The following CLEC2A variants were observed in gnomAD, a reference collection of about 807,000 sequenced individuals.
CLEC2A encodes C-type lectin domain family 2 member A, also known as keratinocyte-associated C-type lectin.
CLEC2A carries 19 observed loss-of-function variants against 18.6 expected under a neutral mutation model. The ratio of observed to expected loss-of-function variants is 1.02; its 90% CI spans 0.71 to 1.50. CLEC2A has a LOEUF of 1.50. Among genes scored for constraint, CLEC2A ranks in the 40% most tolerant of loss-of-function variants. The probability of loss-of-function intolerance (pLI) is 0.00; values close to 1 mark genes in which losing one functional copy is unlikely to be tolerated. For synonymous variants in CLEC2A, 74 were observed against 64.0 expected (o/e 1.16, Z -0.75); for missense variants, 190 against 207.9 (o/e 0.91, Z 0.53).
intron 2 of CLEC2A, 117 bp downstream of exon 2, chr12:9,926,143 G>A: frequency 1.8e-6 from 1 of 568,456 alleles, no homozygotes; most frequent in Middle Eastern, 2.7e-4. Flanking sequence ...TTGAGGACAA[G>A]TGTCTATAAA....
the CLEC2A span, among the ~76,000 whole-genome samples, chr12:9,886,164 T>C: frequency 6.6e-6 from 1 of 152,172 alleles, no homozygotes; most frequent in Non-Finnish European, 1.5e-5. Context: ...GTAAAAATAT[T>C]TTTTTCTAGC....
chr12:9,919,852 C>T (rs1863135950), intron 3 of CLEC2A, among the ~76,000 whole-genome samples: 1 of 152,162 alleles, frequency 6.6e-6, no homozygotes, highest in South Asian at 2.1e-4. Flanking sequence ...CTATTACCGG[C>T]CCAAGAACAC....
downstream of CLEC2A, chr12:9,895,789 CAG>C (rs1862749928): frequency 3.3e-6 from 5 of 1,535,414 alleles, no homozygotes; most frequent in Non-Finnish European, 4.4e-6. Context: ...GGGCATTTGC[CAG>C]AGAGATGCGA....
At chr12:9,905,255 G>C (rs1034913058) in intron 4 of CLEC2A, among the ~76,000 whole-genome samples, 1 of 152,088 alleles carries the variant, frequency 6.6e-6, no homozygotes, top group East Asian at 1.9e-4. Flanking sequence ...TCAGCTGTGC[G>C]GTGCTTTCTA....
downstream of CLEC2A, among the ~76,000 whole-genome samples, chr12:9,911,400 C>A (rs138663302): frequency 6.6e-6 from 1 of 152,164 alleles, no homozygotes; most frequent in African/African-American, 2.4e-5. Context: ...AGGAATTTAT[C>A]CTCTCTGGCA....
At chr12:9,914,360 C>T (rs1863035089) in intron 4 of CLEC2A, among the ~76,000 whole-genome samples, 3 of 152,110 alleles carry the variant, frequency 2.0e-5, no homozygotes, top group Admixed American at 6.5e-5. Flanking sequence ...TAGAAGAAAA[C>T]TACTTTAAAT....
the CLEC2A span, among the ~76,000 whole-genome samples, chr12:9,889,221 G>A: frequency 1.5e-4 from 23 of 152,188 alleles, no homozygotes; most frequent in Middle Eastern, 6.8e-3. Flanking sequence ...TTTCAAATGA[G>A]GATATTATAA....
the CLEC2A span, among the ~76,000 whole-genome samples, chr12:9,887,259 A>G: frequency 1.3e-5 from 2 of 152,196 alleles, no homozygotes; most frequent in Admixed American, 6.5e-5. Flanking sequence ...AAAAACAGAT[A>G]ATACATAGAA....
At position 9,913,389 on chromosome 12, in the gene CLEC2A, G is replaced by T; in HGVS notation, c.*177C>A. The T allele has an allele frequency of 8.8e-7, 1 of 1,140,628 alleles. No individual in the cohort carries two copies. Among genetic ancestry groups the T allele is most frequent in the Non-Finnish European group, 1.2e-6 (1 of 849,374 alleles). 70.7% of individuals were successfully genotyped at this position (1,140,628 alleles called of 1,614,324 possible). On this transcript the variant is annotated 3_prime_UTR_variant, in exon 5 of 5. Coordinates refer to ENST00000455827, the MANE Select transcript of CLEC2A (RefSeq NM_001130711.2). ...CCCTTATAAAAGGCTCCAGAGAACG[G>T]CCTTGTCTCTTTAACCATGGCAGGG...
chr12:9,912,699 T>TAG (rs1863005567), downstream of CLEC2A, among the ~76,000 whole-genome samples: 1 of 150,330 alleles, frequency 6.7e-6, no homozygotes, highest in Non-Finnish European at 1.5e-5. Flanking sequence ...GATGCTCTGC[T>TAG]AGAGCACTTC....
intron 4 of CLEC2A, among the ~76,000 whole-genome samples, chr12:9,904,751 A>T (rs901338093): frequency 3.9e-5 from 6 of 152,174 alleles, no homozygotes; most frequent in African/African-American, 1.2e-4. Flanking sequence ...ATTATCTATA[A>T]TTAGCAATAA....
the CLEC2A span, among the ~76,000 whole-genome samples, chr12:9,884,322 C>T: frequency 6.6e-6 from 1 of 151,778 alleles, no homozygotes; most frequent in Non-Finnish European, 1.5e-5. Context: ...TCTAATACTA[C>T]CTAAGCTGAA....
At chr12:9,880,548 G>A in the CLEC2A span, among the ~76,000 whole-genome samples, 120 of 151,868 alleles carry the variant, frequency 7.9e-4, 1 homozygote, top group East Asian at 5.8e-4. Flanking sequence ...GTGTGTGTGC[G>A]TGTTAAGTGA....
chr12:9,903,076 C>G (rs1404389835), intron 4 of CLEC2A, among the ~76,000 whole-genome samples: 1 of 151,984 alleles, frequency 6.6e-6, no homozygotes, highest in East Asian at 1.9e-4. Flanking sequence ...AGGATAGAAG[C>G]AAGAGAGTAC....
intron 3 of CLEC2A, among the ~76,000 whole-genome samples, chr12:9,918,477 T>A (rs1441251391): frequency 1.3e-5 from 2 of 152,240 alleles, no homozygotes; most frequent in Non-Finnish European, 2.9e-5. Flanking sequence ...TTTGTACCAG[T>A]ACCATGCTGT....
At chr12:9,877,950 A>G in the CLEC2A span, among the ~76,000 whole-genome samples, 1 of 152,236 alleles carries the variant, frequency 6.6e-6, no homozygotes, top group Non-Finnish European at 1.5e-5. Flanking sequence ...CAGTGTATCC[A>G]AAGTTGTCTA....
chr12:9,905,329 T>C (rs1862891886), intron 4 of CLEC2A, among the ~76,000 whole-genome samples: 1 of 152,172 alleles, frequency 6.6e-6, no homozygotes, highest in South Asian at 2.1e-4. Context: ...TTCCAGCTTT[T>C]GATGAGAACG....
chr12:9,921,202 A>G (rs1337810065), intron 3 of CLEC2A, among the ~76,000 whole-genome samples: 2 of 152,220 alleles, frequency 1.3e-5, no homozygotes, highest in Non-Finnish European at 2.9e-5. Context: ...ACTGTTGAGC[A>G]CACATTGTCA....
chr12:9,895,277 A>G (rs1862743862), downstream of CLEC2A, among the ~76,000 whole-genome samples: 1 of 152,246 alleles, frequency 6.6e-6, no homozygotes, highest in African/African-American at 2.4e-5. Flanking sequence ...GTGGAGAATT[A>G]ATAGATAGGA....
Sources: allele counts gnomAD v4.1 joint callset (sites outside exome capture counted in the v4.1 genomes callset), GRCh38; gene constraint gnomAD v4.1.1; transcripts MANE v1.5; gene names NCBI Gene and HGNC (gene_info 2026-07-23, HGNC 2026-07-21).